LARGE1: variants seen among roughly 807,000 people sequenced by gnomAD.
LARGE1 encodes the protein xylosyl- and glucuronyltransferase LARGE1.
A neutral mutation model predicts 87.6 loss-of-function variants in LARGE1; 43 were observed. The ratio of observed to expected loss-of-function variants is 0.49; its 90% CI spans 0.38 to 0.63. The LOEUF (loss-of-function observed/expected upper bound fraction) is 0.63, where lower values mean the gene tolerates loss of function less well. LARGE1 is among the 30% of genes least tolerant of loss of function. The pLI, the probability that LARGE1 is intolerant of heterozygous loss-of-function variation, is 0.00. For missense variants in LARGE1, 802 were observed against 1,000.2 expected (o/e 0.80, Z 2.67); for synonymous variants, 434 against 394.6 (o/e 1.10, Z -1.18).
chr22:33,870,856 C>A (rs1289768830), intron 1 of LARGE1, among the ~76,000 whole-genome samples: 1 of 152,192 alleles, frequency 6.6e-6, no homozygotes, highest in Non-Finnish European at 1.5e-5. Flanking sequence ...GCGTGAGCCA[C>A]CGTGCCCGGC....
At chr22:33,527,483 C>T (rs1023725216) in intron 6 of LARGE1, among the ~76,000 whole-genome samples, 2 of 152,120 alleles carry the variant, frequency 1.3e-5, no homozygotes, top group Non-Finnish European at 2.9e-5. Flanking sequence ...AAATTCTGAA[C>T]GGCCTTTCAT....
chr22:33,887,194 C>T (rs532462445), intron 1 of LARGE1, among the ~76,000 whole-genome samples: 2 of 152,250 alleles, frequency 1.3e-5, no homozygotes, highest in South Asian at 2.1e-4. Context: ...AATCCTAACC[C>T]GCAATGTGAT....
intron 1 of LARGE1, 115 bp from the exon 2 acceptor site, chr22:33,761,673 T>C (rs1205049208): frequency 1.6e-6 from 1 of 614,648 alleles, no homozygotes; most frequent in East Asian, 2.8e-5. Context: ...CTAGGCTTCC[T>C]GCTAACCTTT....
At chr22:33,195,397 A>G (rs1190600370) in intron 11 of LARGE1, among the ~76,000 whole-genome samples, 1 of 152,152 alleles carries the variant, frequency 6.6e-6, no homozygotes, top group Non-Finnish European at 1.5e-5. Flanking sequence ...TTAAGATTTT[A>G]TATTATATTT....
At chr22:33,195,344 C>T (rs760731360) in intron 11 of LARGE1, among the ~76,000 whole-genome samples, 17 of 152,082 alleles carry the variant, frequency 1.1e-4, no homozygotes, top group Non-Finnish European at 2.5e-4. Flanking sequence ...TAACTGGTAT[C>T]TGTAGAAAAC....
chr22:33,730,250 C>A (rs1203417235), intron 2 of LARGE1, among the ~76,000 whole-genome samples: 1 of 152,158 alleles, frequency 6.6e-6, no homozygotes, highest in Non-Finnish European at 1.5e-5. Flanking sequence ...TTCTTAATAA[C>A]AATTTCTCCT....
intron 6 of LARGE1, among the ~76,000 whole-genome samples, chr22:33,530,013 C>T (rs947459255): frequency 4.6e-5 from 7 of 152,182 alleles, no homozygotes; most frequent in Non-Finnish European, 8.8e-5. Context: ...ACATGGTAAT[C>T]CCCTTCCCTA....
chr22:33,553,688 A>G (rs1365220400), intron 6 of LARGE1, among the ~76,000 whole-genome samples: 2 of 152,180 alleles, frequency 1.3e-5, no homozygotes, highest in Admixed American at 1.3e-4. Flanking sequence ...CCCACAGGAA[A>G]CAGAGGTTTA....
chr22:33,364,754 T>C (rs2064523407), intron 9 of LARGE1, among the ~76,000 whole-genome samples: 2 of 152,178 alleles, frequency 1.3e-5, no homozygotes, highest in African/African-American at 4.8e-5. Context: ...TGGAGTGCAG[T>C]GGCACAATCA....
chr22:33,665,465 A>G (rs1285703751), intron 2 of LARGE1, among the ~76,000 whole-genome samples: 2 of 152,202 alleles, frequency 1.3e-5, no homozygotes, highest in Non-Finnish European at 2.9e-5. Flanking sequence ...TTCAGTGATG[A>G]GAATCGGATT....
intron 2 of LARGE1, among the ~76,000 whole-genome samples, chr22:33,742,720 T>C (rs1363478414): frequency 6.6e-6 from 1 of 152,242 alleles, no homozygotes; most frequent in East Asian, 1.9e-4. Context: ...AAAACAAAAG[T>C]ACAATGTCTT....
At chr22:33,111,781 A>G in the LARGE1 span, among the ~76,000 whole-genome samples, 2 of 152,212 alleles carry the variant, frequency 1.3e-5, no homozygotes, top group African/African-American at 4.8e-5. Flanking sequence ...TAAATGATGT[A>G]ATAGAAACCT....
intron 12 of LARGE1, among the ~76,000 whole-genome samples, chr22:33,289,902 C>T (rs1244877014): frequency 1.3e-5 from 2 of 152,088 alleles, no homozygotes; most frequent in South Asian, 4.1e-4. Flanking sequence ...TTCGTATCCT[C>T]TTTTGCTCCA....
the LARGE1 span, among the ~76,000 whole-genome samples, chr22:33,104,897 T>C: frequency 1.5e-3 from 52 of 34,820 alleles, no homozygotes; most frequent in South Asian, 6.2e-3. Context: ...CTCTCTTTCT[T>C]TCTTTCTTTC....
At chr22:33,885,270 C>T (rs1209519241) in intron 1 of LARGE1, among the ~76,000 whole-genome samples, 1 of 152,180 alleles carries the variant, frequency 6.6e-6, no homozygotes, top group Admixed American at 6.5e-5. Context: ...AATTACATTG[C>T]TACTGAGCCA....
chr22:33,493,649 T>C (rs2069964489), intron 6 of LARGE1, among the ~76,000 whole-genome samples: 1 of 152,208 alleles, frequency 6.6e-6, no homozygotes, highest in Non-Finnish European at 1.5e-5. Context: ...GTAGGCAGTA[T>C]GATCATACCC....
downstream of LARGE1, among the ~76,000 whole-genome samples, chr22:33,271,520 A>G (rs1928243139): frequency 6.6e-6 from 1 of 152,208 alleles, no homozygotes; most frequent in Non-Finnish European, 1.5e-5. Flanking sequence ...AAGGGGACCA[A>G]ATGAGGGAAC....
intron 2 of LARGE1, among the ~76,000 whole-genome samples, chr22:33,748,434 G>A (rs2084183940): frequency 6.6e-6 from 1 of 152,040 alleles, no homozygotes; most frequent in African/African-American, 2.4e-5. Flanking sequence ...TTGACTCCTT[G>A]AGCGACCTGT....
intron 7 of LARGE1, among the ~76,000 whole-genome samples, chr22:33,399,264 C>T (rs747307771): frequency 3.9e-5 from 6 of 151,972 alleles, no homozygotes; most frequent in South Asian, 2.1e-4. Context: ...GTGTTAGTTG[C>T]TGATAATATT....
Sources: gnomAD v4.1 joint callset for allele counts (sites outside exome capture counted in the v4.1 genomes callset) on GRCh38, gnomAD v4.1.1 for gene constraint, MANE v1.5 for transcripts, NCBI Gene and HGNC (gene_info 2026-07-23, HGNC 2026-07-21) for gene names.